SPTBN5: variants seen among roughly 807,000 people sequenced by gnomAD.
The protein encoded by SPTBN5 is spectrin beta chain, non-erythrocytic 5.
A neutral mutation model predicts 477.6 loss-of-function variants in SPTBN5; 513 were observed. The ratio of observed to expected loss-of-function variants is 1.07; its 90% CI spans 1.00 to 1.16. SPTBN5 has a LOEUF of 1.16. Ranked by LOEUF, SPTBN5 falls within the 50% of genes most tolerant of loss-of-function variation. The pLI is 0.00. For synonymous variants in SPTBN5, 2,169 were observed against 2,011.7 expected, an observed-to-expected ratio of 1.08 and a Z score of -2.09; for missense variants, 5,062 against 4,731.8, an observed-to-expected ratio of 1.07 and a Z score of -2.05.
chr15:41,851,550 G>A (rs2065762062), intron 63 of SPTBN5, among the ~76,000 whole-genome samples, 181 bp from the exon 64 acceptor site: 1 of 146,236 alleles, frequency 6.8e-6, no homozygotes, highest in African/African-American at 2.5e-5. Flanking sequence ...AAGGGGAAGA[G>A]CAGGTGGGGA....
intron 11 of SPTBN5, 35 bp downstream of exon 11, chr15:41,882,234 C>A: frequency 1.3e-6 from 1 of 775,612 alleles, no homozygotes; most frequent in Non-Finnish European, 1.9e-6. Context: ...CTCGCCGGGC[C>A]CCGCCCCCAC....
At chr15:41,888,732 A>C (rs1286420038) in intron 4 of SPTBN5, among the ~76,000 whole-genome samples, 1 of 152,252 alleles carries the variant, frequency 6.6e-6, no homozygotes, top group Non-Finnish European at 1.5e-5. Context: ...AAGTGCTGGA[A>C]TTACAGGTGT....
In SPTBN5 at chr15:41,871,817, C is replaced by T. The variant is rs1198283568; in HGVS notation, c.5266G>A (p.Gly1756Arg). 3.1e-6 allele frequency: 5 copies of T among 1,592,400 alleles called. No homozygotes were observed. Among genetic ancestry groups the T allele is most frequent in the South Asian group, 2.3e-5 (2 of 87,046 alleles). The change falls in exon 28 of 68, where the codon GGG becomes AGG. Residue 1756 changes from glycine to arginine, a missense_variant. By Grantham distance (125) the Gly-to-Arg change is moderately radical. Coordinates refer to ENST00000320955, the MANE Select transcript of SPTBN5 (RefSeq NM_016642.4). ...LASQKQAAKGGESLGEDPEHA... is the reference protein window; with the variant it reads ...LASQKQAAKGRESLGEDPEHA... ...TCGGGGTCCTCTCCCAGGCTCTCCC[C>T]TCCTTTGGCTGCCTGCTTCTGGCTT...
chr15:41,863,654 C>G (rs201797965), intron 41 of SPTBN5, 50 bp downstream of exon 41: 16 of 1,467,200 alleles, frequency 1.1e-5, no homozygotes, highest in Non-Finnish European at 1.2e-5. Context: ...GCCCCCTCCC[C>G]TGACTGCATT....
intron 7 of SPTBN5, among the ~76,000 whole-genome samples, chr15:41,883,832 C>T (rs2140963257): frequency 6.6e-6 from 1 of 152,200 alleles, no homozygotes; most frequent in Admixed American, 6.5e-5. Context: ...GCTCTGTCAC[C>T]CAGGCTAGAA....
chr15:41,867,096 G>A lies in SPTBN5; in HGVS notation c.6343C>T (p.Leu2115Phe), dbSNP rs777111950. 18 of 1,541,802 alleles carry A rather than the reference G, an allele frequency of 1.2e-5. No homozygotes were observed. Among genetic ancestry groups the A allele is most frequent in the Non-Finnish European group, 1.5e-5 (17 of 1,146,208 alleles). Residue 2115 changes from leucine to phenylalanine, a missense_variant, in exon 36 of 68, where the codon CTC becomes TTC. Transcript: ENST00000320955. The stretch of plus-strand genomic sequence containing the variant: ...CGGTCCCGCACCCGGGGGCGCCGGA[G>A]CGTCTTCAGCCGCTCACGCAGGGCT... ...EAALRERLKT[L>F]RRPRVRDRLP... is the part of the protein sequence containing the mutation.
chr15:41,879,726 A>G lies in SPTBN5; in HGVS notation c.2942+8T>C. ...GCCTCACCACCTGCACTCCTGCCTC[A>G]TTCTCACCTCTGGCTCAGTTCCTCC... On this transcript the variant is annotated splice_region_variant and intron_variant, in intron 15 of 67. Coordinates refer to ENST00000320955, the MANE Select transcript of SPTBN5 (RefSeq NM_016642.4). 6.2e-7 allele frequency: 1 copy of G among 1,613,268 alleles called. No homozygotes were observed. The highest frequency in any genetic ancestry group is 8.5e-7 in the Non-Finnish European group (1 of 1,179,810).
At chr15:41,855,884 G>A (rs1242505188) in intron 53 of SPTBN5, 139 bp from the exon 54 acceptor site, 6 of 888,756 alleles carry the variant, frequency 6.8e-6, no homozygotes, top group Non-Finnish European at 1.0e-5. Context: ...CCACTCCTAA[G>A]CAGCCTCATC....
At position 41,868,122 on chromosome 15, in the gene SPTBN5, G is replaced by A. The variant is rs777347603; in HGVS notation, c.6154C>T (p.Gln2052Ter). ...CGGCCGCACTCTCTGAGGAAGAGCT[G>A]CTCCTGCTGCTCGGCCTGCAGCCTC... ...QERLQAEQQE[Q>*]LFLRECGRLE... is the part of the protein sequence containing the mutation. The change falls in exon 34 of 68, where the codon CAG (glutamine) becomes TAG (stop). Residue 2052 changes from glutamine to a stop codon, truncating the protein, a stop_gained. Transcript: ENST00000320955. LOFTEE classifies it high-confidence loss of function. 23 of 1,598,132 alleles carry A rather than the reference G, an allele frequency of 1.4e-5. No individual in the cohort carries two copies. Among genetic ancestry groups the A allele is most frequent in the Non-Finnish European group, 1.4e-5 (16 of 1,174,054 alleles).
In SPTBN5 at chr15:41,866,117, C is replaced by T; in HGVS notation, c.6743G>A (p.Gly2248Asp). 1 of 1,557,998 alleles carries T rather than the reference C, an allele frequency of 6.4e-7. No homozygotes were observed. Among genetic ancestry groups the T allele is most frequent in the Non-Finnish European group, 8.7e-7 (1 of 1,151,642 alleles). The change falls in exon 38 of 68, where the codon GGC becomes GAC. Residue 2248 changes from glycine (G) to aspartate (D), a missense_variant. Coordinates refer to ENST00000320955, the MANE Select transcript of SPTBN5 (RefSeq NM_016642.4). ...GTTCCGCCTGTCCTCCAGCTCCTGG[C>T]CCCTGAGGGCCATTGCCTGCCTCAG... ...EDLRQAMALR[G>D]QELEDRRNFL...
chr15:41,879,522 T>C, intron 15 of SPTBN5, 23 bp from the exon 16 acceptor site: 1 of 1,537,224 alleles, frequency 6.5e-7, no homozygotes, highest in Non-Finnish European at 8.7e-7. Context: ...TACAAGGTTG[T>C]CTCCACAACA....
chr15:41,885,999 A>T lies in SPTBN5; in HGVS notation c.1256T>A (p.Leu419Gln). The stretch of plus-strand genomic sequence containing the variant: ...CAGGGTTTCTAGCCGCTGCAGCTGC[A>T]GTAGCCTCTGCTGCAGGGCCTGGCT... The part of the protein sequence containing the change: ...ARSQALQQRL[L>Q]QLQRLETLAR... Residue 419 changes from leucine (L) to glutamine (Q), a missense_variant, in exon 7 of 68, where the codon CTG (leucine) becomes CAG (glutamine). Coordinates refer to ENST00000320955, the MANE Select transcript of SPTBN5 (RefSeq NM_016642.4). The T allele has an allele frequency of 6.4e-7, 1 of 1,550,896 alleles. No individual in the cohort carries two copies. Among genetic ancestry groups the T allele is most frequent in the Non-Finnish European group, 8.7e-7 (1 of 1,149,770 alleles).
rs544921011 is a variant in SPTBN5, at chr15:41,874,823, G to T, written c.4502+19C>A. ...ACATGGAGGAGTGACACACAGGTGG[G>T]TGGGAGGACAGACCCCACCTCCGGA... On this transcript the variant is annotated intron_variant, in intron 23 of 67. Transcript: ENST00000320955. The T allele has an allele frequency of 1.5e-5, 24 of 1,594,368 alleles. No individual in the cohort carries two copies. Among genetic ancestry groups the T allele is most frequent in the East Asian group, 1.4e-4 (6 of 44,426 alleles).
chr15:41,863,680 C>T, intron 41 of SPTBN5, 24 bp downstream of exon 41: 1 of 1,595,920 alleles, frequency 6.3e-7, no homozygotes, highest in Non-Finnish European at 8.6e-7. Context: ...ACAGCCCCCA[C>T]CGGGACCTCT....
chr15:41,851,581 T>G (rs1595437784), intron 63 of SPTBN5, among the ~76,000 whole-genome samples, 198 bp downstream of exon 63: 4 of 120,060 alleles, frequency 3.3e-5, no homozygotes, highest in South Asian at 2.9e-4. Context: ...CAGCACCTCC[T>G]GGTGGGGGTG....
chr15:41,877,073 G>A, intron 18 of SPTBN5, 43 bp downstream of exon 18: 1 of 1,610,216 alleles, frequency 6.2e-7, no homozygotes, highest in Non-Finnish European at 8.5e-7. Context: ...GCTCCCTCCA[G>A]TGATGGGGAG....
intron 58 of SPTBN5, 46 bp from the exon 59 acceptor site, chr15:41,853,493 A>C: frequency 6.5e-7 from 1 of 1,537,476 alleles, no homozygotes; most frequent in Admixed American, 1.9e-5. Flanking sequence ...GCTGGGGAGC[A>C]GGGGAGGGAG....
chr15:41,885,472 G>C (rs2140965223), intron 7 of SPTBN5, among the ~76,000 whole-genome samples: 1 of 152,310 alleles, frequency 6.6e-6, no homozygotes, highest in African/African-American at 2.4e-5. Flanking sequence ...CAGTGTGTGG[G>C]ACATAGTAGA....
In SPTBN5 at chr15:41,883,466, C is replaced by T. The variant is rs371286100; in HGVS notation, c.1541G>A (p.Arg514His). 2.9e-5 allele frequency: 46 copies of T among 1,613,902 alleles called. No homozygotes were observed. Among genetic ancestry groups the T allele is most frequent in the African/African-American group, 5.3e-5 (4 of 75,060 alleles). Residue 514 changes from arginine to histidine, a missense_variant, in exon 8 of 68, where the codon CGC becomes CAC. Transcript: ENST00000320955. ...VARRQEEVTV[R>H]WQRLLQHLQG... ...TAGATGCTGAAGGAGCCTCTGCCAG[C>T]GCACGGTAACTTCCTCCTGCCTAGA...
Sources: gnomAD v4.1 joint callset for allele counts (sites outside exome capture counted in the v4.1 genomes callset) on GRCh38, gnomAD v4.1.1 for gene constraint, MANE v1.5 for transcripts, NCBI Gene and HGNC (gene_info 2026-07-23, HGNC 2026-07-21) for gene names.